The following ZBTB7C variants were observed in gnomAD, a reference collection of about 807,000 sequenced individuals.
ZBTB7C encodes zinc finger and BTB domain-containing protein 7C.
Under a neutral mutation model 25.7 loss-of-function variants are expected in ZBTB7C, and 8 were observed. That is an observed-to-expected ratio of 0.31 (90% CI 0.18 to 0.56). The LOEUF is 0.56. Ranked by LOEUF, ZBTB7C falls within the 20% of genes least tolerant of loss-of-function variation. The pLI, the probability that ZBTB7C is intolerant of heterozygous loss-of-function variation, is 0.91. For missense variants in ZBTB7C, 824 were observed against 855.2 expected (o/e 0.96, Z 0.46); for synonymous variants, 394 against 369.0 (o/e 1.07, Z -0.78).
At chr18:48,188,290 G>T (rs2042112688) in intron 2 of ZBTB7C, among the ~76,000 whole-genome samples, 1 of 152,180 alleles carries the variant, frequency 6.6e-6, no homozygotes, top group Non-Finnish European at 1.5e-5. Flanking sequence ...GTTCTGCATG[G>T]CTGGGGAGGC....
At chr18:48,126,318 A>C (rs2039797012) in intron 3 of ZBTB7C, among the ~76,000 whole-genome samples, 1 of 152,114 alleles carries the variant, frequency 6.6e-6, no homozygotes, top group Non-Finnish European at 1.5e-5. Flanking sequence ...ACATCAGAAC[A>C]CCTGTGTCTT....
At chr18:48,306,219 C>T (rs935235736) in intron 2 of ZBTB7C, among the ~76,000 whole-genome samples, 5 of 152,160 alleles carry the variant, frequency 3.3e-5, no homozygotes, top group African/African-American at 1.2e-4. Context: ...TCTCCTCAGC[C>T]TGCTCTGGGT....
intron 3 of ZBTB7C, among the ~76,000 whole-genome samples, chr18:48,124,937 A>G (rs1474958079): frequency 6.6e-6 from 1 of 152,192 alleles, no homozygotes; most frequent in African/African-American, 2.4e-5. Flanking sequence ...AGGTCAAGGC[A>G]GGAGCAGCAA....
intron 2 of ZBTB7C, among the ~76,000 whole-genome samples, chr18:48,255,289 T>C (rs1243393374): frequency 6.6e-6 from 1 of 152,198 alleles, no homozygotes; most frequent in Non-Finnish European, 1.5e-5. Flanking sequence ...GAAAAAGGTA[T>C]TATAACTGTA....
chr18:48,154,528 T>C (rs902382362), intron 3 of ZBTB7C, among the ~76,000 whole-genome samples: 1 of 152,252 alleles, frequency 6.6e-6, no homozygotes, highest in African/African-American at 2.4e-5. Context: ...TTCAATTCTT[T>C]AAGGGTTCCC....
At chr18:48,052,842 T>C (rs527500872) in intron 3 of ZBTB7C, among the ~76,000 whole-genome samples, 1 of 152,288 alleles carries the variant, frequency 6.6e-6, no homozygotes, top group South Asian at 2.1e-4. Flanking sequence ...CATGAATCCA[T>C]TTCAATATTT....
chr18:48,068,761 C>T (rs1411358196), intron 3 of ZBTB7C, among the ~76,000 whole-genome samples: 1 of 152,190 alleles, frequency 6.6e-6, no homozygotes, highest in Non-Finnish European at 1.5e-5. Context: ...ACTTAACAAG[C>T]TCCCCAGCAC....
intron 1 of ZBTB7C, among the ~76,000 whole-genome samples, chr18:48,380,257 T>C (rs187227970): frequency 2.3e-3 from 349 of 152,222 alleles, no homozygotes; most frequent in African/African-American, 7.8e-3. Flanking sequence ...CATACTCTAG[T>C]TTGATAGAGT....
At chr18:48,132,709 C>T (rs1174690372) in intron 3 of ZBTB7C, among the ~76,000 whole-genome samples, 1 of 152,182 alleles carries the variant, frequency 6.6e-6, no homozygotes. Flanking sequence ...TTATGGATGG[C>T]AAGTGTCAAC....
chr18:48,160,766 A>T (rs2144946194), intron 3 of ZBTB7C, among the ~76,000 whole-genome samples: 2 of 152,132 alleles, frequency 1.3e-5, no homozygotes, highest in South Asian at 4.2e-4. Context: ...GAGAAGTTGA[A>T]CTGGCCGCAG....
At position 48,040,183 on chromosome 18, in the gene ZBTB7C, A is replaced by C. The variant is rs769873583; in HGVS notation, c.925T>G (p.Phe309Val). Residue 309 changes from phenylalanine to valine, a missense_variant, in exon 4 of 5, where the codon TTC becomes GTC. Transcript: ENST00000590800. ...AGGTCAGGGAACATGTCCTTGAAGA[A>C]GTCATTAGGGAAGGGTGGCGGTGGG... Reference protein sequence around the residue: ...PPPPPPFPNDFFKDMFPDLPG... With the variant: ...PPPPPPFPNDVFKDMFPDLPG... 4 of 1,575,088 alleles carry C rather than the reference A, an allele frequency of 2.5e-6. No individual in the cohort carries two copies. In the African/African-American group the frequency reaches 5.4e-5, roughly 21 times the overall value.
At chr18:48,293,035 C>T (rs1300627274) in intron 2 of ZBTB7C, among the ~76,000 whole-genome samples, 7 of 152,226 alleles carry the variant, frequency 4.6e-5, no homozygotes, top group African/African-American at 1.4e-4. Context: ...AGCATTACAG[C>T]TTCTGCATTG....
At chr18:48,169,094 T>C (rs1022510030) in intron 3 of ZBTB7C, among the ~76,000 whole-genome samples, 6 of 152,176 alleles carry the variant, frequency 3.9e-5, no homozygotes, top group African/African-American at 1.4e-4. Flanking sequence ...GCATGGGGCA[T>C]GGGGAGCAGG....
At chr18:48,178,505 C>T (rs1568281290) in intron 3 of ZBTB7C, among the ~76,000 whole-genome samples, 1 of 152,152 alleles carries the variant, frequency 6.6e-6, no homozygotes, top group African/African-American at 2.4e-5. Flanking sequence ...TGGAGGAATA[C>T]CTTTCTTTCT....
intron 2 of ZBTB7C, among the ~76,000 whole-genome samples, chr18:48,312,116 A>G (rs938213107): frequency 6.6e-6 from 1 of 152,216 alleles, no homozygotes; most frequent in Non-Finnish European, 1.5e-5. Flanking sequence ...CTCAGGGCAC[A>G]TGAAAGGAGG....
chr18:48,082,246 G>A (rs2038019273), intron 3 of ZBTB7C, among the ~76,000 whole-genome samples: 1 of 152,174 alleles, frequency 6.6e-6, no homozygotes, highest in Admixed American at 6.5e-5. Context: ...CCTTATCATA[G>A]GGCAACAGAA....
intron 2 of ZBTB7C, among the ~76,000 whole-genome samples, chr18:48,256,357 A>G (rs956481206): frequency 6.6e-5 from 10 of 152,010 alleles, no homozygotes; most frequent in Admixed American, 5.2e-4. Flanking sequence ...GCAAAAAGAC[A>G]GTGGAGAAAT....
intron 3 of ZBTB7C, among the ~76,000 whole-genome samples, chr18:48,042,900 A>C (rs564855183): frequency 7.2e-5 from 11 of 152,226 alleles, no homozygotes; most frequent in Non-Finnish European, 1.0e-4. Flanking sequence ...GCTTAGAGGG[A>C]CATAACAACT....
At chr18:48,350,648 C>G (rs559219253) in intron 1 of ZBTB7C, 1 of 143,986 alleles carries the variant, frequency 6.9e-6, no homozygotes, top group East Asian at 2.2e-4. Context: ...GCATAAAAGG[C>G]TATAGATTGA....
Sources: allele counts gnomAD v4.1 joint callset (sites outside exome capture counted in the v4.1 genomes callset), GRCh38; gene constraint gnomAD v4.1.1; transcripts MANE v1.5; gene names NCBI Gene and HGNC (gene_info 2026-07-23, HGNC 2026-07-21).